SLC16A7: variants seen among roughly 807,000 people sequenced by gnomAD.
SLC16A7 encodes monocarboxylate transporter 2.
A neutral mutation model predicts 34.9 loss-of-function variants in SLC16A7; 33 were observed. The ratio of observed to expected loss-of-function variants is 0.94; its 90% CI spans 0.72 to 1.26. SLC16A7 has a LOEUF of 1.26. Among genes scored for constraint, SLC16A7 ranks in the 50% most tolerant of loss-of-function variants. SLC16A7 has a pLI of 0.00. For synonymous variants in SLC16A7, 201 were observed against 206.6 expected, an observed-to-expected ratio of 0.97 and a Z score of 0.23; for missense variants, 573 against 578.1, an observed-to-expected ratio of 0.99 and a Z score of 0.09.
intron 1 of SLC16A7, among the ~76,000 whole-genome samples, chr12:59,642,557 A>G (rs1880732821): frequency 2.6e-5 from 4 of 152,120 alleles, no homozygotes; most frequent in African/African-American, 9.6e-5. Context: ...ACATTGCATT[A>G]GTGGATGAAT....
At chr12:59,706,403 G>A (rs1296082818) in intron 3 of SLC16A7, among the ~76,000 whole-genome samples, 1 of 151,454 alleles carries the variant, frequency 6.6e-6, no homozygotes, top group Non-Finnish European at 1.5e-5. Context: ...TGTTGGTGTT[G>A]GAATGTGTTT....
chr12:59,604,393 T>C (rs1432137859), intron 1 of SLC16A7, among the ~76,000 whole-genome samples: 2 of 152,240 alleles, frequency 1.3e-5, no homozygotes, highest in Admixed American at 1.3e-4. Flanking sequence ...TAACTTTTGA[T>C]TGTAATTGGA....
intron 3 of SLC16A7, chr12:59,719,870 G>T: frequency 2.0e-6 from 1 of 506,880 alleles, no homozygotes; most frequent in South Asian, 3.1e-5. Flanking sequence ...CCACGGAGTG[G>T]CCCAAAATAG....
intron 1 of SLC16A7, among the ~76,000 whole-genome samples, chr12:59,639,553 T>C (rs1336564400): frequency 1.3e-5 from 2 of 152,022 alleles, no homozygotes; most frequent in African/African-American, 4.8e-5. Flanking sequence ...CTGGCTAATT[T>C]TTTTGTATCT....
intron 1 of SLC16A7, among the ~76,000 whole-genome samples, chr12:59,644,056 A>G (rs1270888215): frequency 1.3e-5 from 2 of 152,216 alleles, no homozygotes; most frequent in Non-Finnish European, 2.9e-5. Flanking sequence ...ACAGCATTTG[A>G]TAAGTTTGAA....
chr12:59,713,996 C>T (rs1341024808), intron 3 of SLC16A7, among the ~76,000 whole-genome samples: 1 of 152,198 alleles, frequency 6.6e-6, no homozygotes, highest in Non-Finnish European at 1.5e-5. Flanking sequence ...TAAAGAGGCA[C>T]AGTGGGTGCC....
At chr12:59,760,896 G>A (rs192760016) in intron 3 of SLC16A7, among the ~76,000 whole-genome samples, 41 of 152,216 alleles carry the variant, frequency 2.7e-4, no homozygotes, top group African/African-American at 9.1e-4. Context: ...TTGGGTAAGG[G>A]GGACTACTGA....
intron 3 of SLC16A7, among the ~76,000 whole-genome samples, chr12:59,743,652 A>G (rs540224188): frequency 6.6e-6 from 1 of 152,208 alleles, no homozygotes; most frequent in Admixed American, 6.5e-5. Flanking sequence ...ATTTTTATTA[A>G]ACAAATTAAA....
chr12:59,729,815 T>C (rs779101643), intron 3 of SLC16A7, among the ~76,000 whole-genome samples: 2 of 152,200 alleles, frequency 1.3e-5, no homozygotes, highest in Non-Finnish European at 2.9e-5. Flanking sequence ...CTAAACACAC[T>C]GTTCAATAGC....
At chr12:59,726,013 C>A (rs1344698897) in intron 3 of SLC16A7, among the ~76,000 whole-genome samples, 2 of 152,078 alleles carry the variant, frequency 1.3e-5, no homozygotes, top group Non-Finnish European at 2.9e-5. Flanking sequence ...GTGGACTAAG[C>A]CATTCTAATC....
chr12:59,674,377 A>G (rs999218586), intron 2 of SLC16A7, among the ~76,000 whole-genome samples: 2 of 152,176 alleles, frequency 1.3e-5, no homozygotes, highest in African/African-American at 4.8e-5. Flanking sequence ...TTTGATAAAT[A>G]TTTGTGAATT....
intron 1 of SLC16A7, among the ~76,000 whole-genome samples, chr12:59,630,723 T>C (rs1042041325): frequency 1.3e-5 from 2 of 151,808 alleles, no homozygotes; most frequent in African/African-American, 4.8e-5. Flanking sequence ...TCTAATAGAG[T>C]TTTTTTACAC....
At chr12:59,690,478 G>A (rs1014297391) in intron 2 of SLC16A7, among the ~76,000 whole-genome samples, 3 of 151,952 alleles carry the variant, frequency 2.0e-5, no homozygotes, top group African/African-American at 4.8e-5. Context: ...ATCTCAAGGA[G>A]GTGGATTTGA....
At chr12:59,687,756 T>C (rs773153916) in intron 2 of SLC16A7, among the ~76,000 whole-genome samples, 3 of 152,130 alleles carry the variant, frequency 2.0e-5, no homozygotes, top group Non-Finnish European at 4.4e-5. Flanking sequence ...TAAAGGGACA[T>C]GTTCTTATTT....
At chr12:59,653,744 A>C (rs1223575163) in intron 1 of SLC16A7, among the ~76,000 whole-genome samples, 1 of 151,706 alleles carries the variant, frequency 6.6e-6, no homozygotes, top group Non-Finnish European at 1.5e-5. Flanking sequence ...ATTGATTATC[A>C]GCCTAAAATT....
chr12:59,674,636 G>A (rs1029239727), intron 2 of SLC16A7, among the ~76,000 whole-genome samples: 8 of 152,238 alleles, frequency 5.3e-5, no homozygotes, highest in Admixed American at 2.0e-4. Flanking sequence ...TCTCTACAGC[G>A]TTATCAGCTC....
intron 2 of SLC16A7, among the ~76,000 whole-genome samples, chr12:59,680,666 A>G (rs1870674420): frequency 6.6e-6 from 1 of 150,950 alleles, no homozygotes; most frequent in Non-Finnish European, 1.5e-5. Flanking sequence ...TAACTTTCTC[A>G]TTGCCTCTCT....
chr12:59,733,798 A>G (rs1450548182), intron 3 of SLC16A7: 2 of 455,910 alleles, frequency 4.4e-6, no homozygotes, highest in African/African-American at 4.0e-5. Flanking sequence ...GAGGAGCTTC[A>G]CTGAGCAACA....
chr12:59,597,413 G>A (rs1270261622), intron 1 of SLC16A7, among the ~76,000 whole-genome samples: 1 of 152,170 alleles, frequency 6.6e-6, no homozygotes, highest in Non-Finnish European at 1.5e-5. Flanking sequence ...TGATGAAAGT[G>A]ATGGGAAAAA....
Sources: allele counts gnomAD v4.1 joint callset (sites outside exome capture counted in the v4.1 genomes callset), GRCh38; gene constraint gnomAD v4.1.1; transcripts MANE v1.5; gene names NCBI Gene and HGNC (gene_info 2026-07-23, HGNC 2026-07-21).